The following NINL variants were observed in gnomAD, a reference collection of about 807,000 sequenced individuals.
NINL encodes ninein like.
A neutral mutation model predicts 160.3 loss-of-function variants in NINL; 153 were observed. The observed-to-expected ratio is 0.95, with a 90% confidence interval of 0.84 to 1.09. The LOEUF is 1.09. Ranked by LOEUF, NINL falls within the 50% of genes least tolerant of loss-of-function variation. The pLI, the probability that NINL is intolerant of heterozygous loss-of-function variation, is 0.00. For missense variants in NINL, 1,829 were observed against 1,764.0 expected (o/e 1.04, Z -0.66); for synonymous variants, 800 against 734.8 (o/e 1.09, Z -1.43).
At chr20:25,575,446 CAAA>C (rs1167252309) in intron 1 of NINL, among the ~76,000 whole-genome samples, 4 of 43,748 alleles carry the variant, frequency 9.1e-5, no homozygotes, top group Admixed American at 2.2e-4. Context: ...GACTCCGTCT[CAAA>C]AAAAAAAAAA....
rs1286919882 is a variant in NINL, at chr20:25,490,007, C to A, written c.1486-22G>T. On this transcript the variant is annotated intron_variant, in intron 11 of 23. Coordinates refer to ENST00000278886, the MANE Select transcript of NINL (RefSeq NM_025176.6). ...TTTCCTAGGAGACACAGGCCAGTGG[C>A]TCATCAGGCTCCTGCAGGACGGAGG... 1.9e-6 allele frequency: 3 copies of A among 1,597,214 alleles called. No homozygotes were observed. In the East Asian group the frequency reaches 6.7e-5, roughly 36 times the overall value.
At chr20:25,454,482 C>CG (rs1416362188) in intron 23 of NINL, among the ~76,000 whole-genome samples, 1 of 151,936 alleles carries the variant, frequency 6.6e-6, no homozygotes, top group African/African-American at 2.4e-5. Flanking sequence ...TGAGAGGGAC[C>CG]GGGGGCACCA....
At chr20:25,561,684 C>T (rs1447403953) in intron 1 of NINL, among the ~76,000 whole-genome samples, 3 of 150,858 alleles carry the variant, frequency 2.0e-5, no homozygotes, top group Admixed American at 6.6e-5. Context: ...TCTGCCCCGC[C>T]GCCCCGTCTG....
At chr20:25,530,981 C>T (rs138005513) in intron 1 of NINL, among the ~76,000 whole-genome samples, 2,246 of 152,204 alleles carry the variant, frequency 0.015, 49 homozygotes, top group African/African-American at 0.051. Context: ...TCCTAATAAG[C>T]CTGGGAGCGC....
At chr20:25,463,353 G>A (rs2062836996) in intron 19 of NINL, among the ~76,000 whole-genome samples, 1 of 152,114 alleles carries the variant, frequency 6.6e-6, no homozygotes, top group Non-Finnish European at 1.5e-5. Context: ...TAAACTTGAG[G>A]TACATGAATC....
intron 21 of NINL, 60 bp downstream of exon 21, chr20:25,461,462 C>T (rs2062782989): frequency 9.7e-6 from 10 of 1,029,388 alleles, no homozygotes; most frequent in South Asian, 4.7e-5. Flanking sequence ...GTTGGCACTG[C>T]GGTGATGCTG....
intron 13 of NINL, among the ~76,000 whole-genome samples, chr20:25,488,032 A>G (rs1048878724): frequency 2.0e-5 from 3 of 152,228 alleles, no homozygotes; most frequent in Non-Finnish European, 4.4e-5. Flanking sequence ...GGCAGCTTGC[A>G]TTTAAAATGT....
chr20:25,480,315 G>C, intron 14 of NINL, 48 bp from the exon 15 acceptor site: 1 of 1,509,846 alleles, frequency 6.6e-7, no homozygotes, highest in Non-Finnish European at 9.2e-7. Context: ...GATGCCACGG[G>C]GGCCCCTTCC....
At chr20:25,465,175 C>T (rs2062882687) in intron 19 of NINL, among the ~76,000 whole-genome samples, 1 of 152,222 alleles carries the variant, frequency 6.6e-6, no homozygotes, top group South Asian at 2.1e-4. Context: ...GAGTAGCCTA[C>T]ACTCTCAGAA....
intron 7 of NINL, among the ~76,000 whole-genome samples, chr20:25,502,183 T>C (rs1189355668): frequency 6.6e-6 from 1 of 152,122 alleles, no homozygotes; most frequent in Non-Finnish European, 1.5e-5. Context: ...GGTTTTACCA[T>C]GTTAGCCAGG....
rs191685140 is a variant in NINL, at chr20:25,531,514, G to A, written c.-11-4916C>T. 1.9e-3 allele frequency among the ~76,000 whole-genome samples: 291 copies of A among 152,310 alleles called. 1 individual carries two copies. Among genetic ancestry groups the A allele is most frequent in the African/African-American group, 6.8e-3 (282 of 41,560 alleles). ...AAGACAGGCGTAAGAAATTATAAAAGTATTAATTTGGGGATCTAATAAATG... is the reference window on the plus strand; with the variant it reads ...AAGACAGGCGTAAGAAATTATAAAAATATTAATTTGGGGATCTAATAAATG... On this transcript the variant is annotated intron_variant, in intron 1 of 23. Coordinates refer to ENST00000278886, the MANE Select transcript of NINL (RefSeq NM_025176.6).
Position 25,478,107 on chromosome 20 carries a change from CT to C in NINL, c.2201+815del, listed in dbSNP as rs1310171312. ...GGGATTACAGGCGCCTGCTACCATG[CT>C]CAGCTAATTTTTTGTGTTTTTAGTA... On this transcript the variant is annotated intron_variant, in intron 16 of 23. Transcript: ENST00000278886. Among the ~76,000 whole-genome samples the C allele has an allele frequency of 1.8e-3, 277 of 152,200 alleles. 2 individuals carry two copies. The highest frequency in any genetic ancestry group is 6.4e-3 in the African/African-American group (265 of 41,542).
At position 25,532,502 on chromosome 20, in the gene NINL, G is replaced by A. The variant is rs139748669; in HGVS notation, c.-11-5904C>T. Among the ~76,000 whole-genome samples, 271 of 152,306 alleles carry A rather than the reference G, an allele frequency of 1.8e-3. 1 individual carries two copies. Among genetic ancestry groups the A allele is most frequent in the African/African-American group, 6.3e-3 (263 of 41,564 alleles). On this transcript the variant is annotated intron_variant, in intron 1 of 23. Transcript: ENST00000278886. ...AGGGGATCTGCAGCTCTGCTCCACT[G>A]TCCCCATGTGAGCAGGGAAATACAG... is the stretch of plus-strand genomic sequence containing the variant.
At chr20:25,488,892 G>A (rs1473941744) in intron 13 of NINL, 1 of 247,744 alleles carries the variant, frequency 4.0e-6, no homozygotes, top group Non-Finnish European at 8.0e-6. Flanking sequence ...GCGTGTACGG[G>A]GGTCCTCCTG....
chr20:25,460,225 G>A lies in NINL; in HGVS notation c.3696+1297C>T, dbSNP rs183582561. ...ACATCAGCTTCAGGCCCAGCCTCTC[G>A]TGGCCACTCTTAGGGAGCCCCATCT... On this transcript the variant is annotated intron_variant, in intron 21 of 23. Coordinates refer to ENST00000278886, the MANE Select transcript of NINL (RefSeq NM_025176.6). Among the ~76,000 whole-genome samples, 1,080 of 152,262 alleles carry A rather than the reference G, an allele frequency of 7.1e-3. 14 individuals are homozygous for A. Among genetic ancestry groups the A allele is most frequent in the Non-Finnish European group, 0.011 (751 of 68,022 alleles).
At chr20:25,561,117 G>C (rs568153716) in intron 1 of NINL, among the ~76,000 whole-genome samples, 3 of 140,180 alleles carry the variant, frequency 2.1e-5, no homozygotes, top group African/African-American at 7.8e-5. Context: ...CTGCCATCTC[G>C]GCTCACTGCA....
At chr20:25,537,938 T>C (rs922959101) in intron 1 of NINL, among the ~76,000 whole-genome samples, 2 of 152,158 alleles carry the variant, frequency 1.3e-5, no homozygotes, top group African/African-American at 4.8e-5. Context: ...GCTCGGTCTC[T>C]CTCCCTCCCG....
intron 1 of NINL, among the ~76,000 whole-genome samples, chr20:25,584,508 T>G (rs1434629688): frequency 6.6e-6 from 1 of 152,180 alleles, no homozygotes; most frequent in Non-Finnish European, 1.5e-5. Flanking sequence ...ACAAAAACTC[T>G]GCTTTTAAAA....
At chr20:25,467,673 G>A (rs1019789918) in intron 18 of NINL, among the ~76,000 whole-genome samples, 1 of 152,160 alleles carries the variant, frequency 6.6e-6, no homozygotes, top group Non-Finnish European at 1.5e-5. Flanking sequence ...CCCAAACCAC[G>A]AAGACTTTAG....
Sources: allele counts gnomAD v4.1 joint callset (sites outside exome capture counted in the v4.1 genomes callset), GRCh38; gene constraint gnomAD v4.1.1; transcripts MANE v1.5; gene names NCBI Gene and HGNC (gene_info 2026-07-23, HGNC 2026-07-21).